NARS2: variants seen among roughly 807,000 people sequenced by gnomAD.
The protein encoded by NARS2 is asparaginyl-tRNA synthetase 2, mitochondrial.
NARS2 carries 60 observed loss-of-function variants against 62.9 expected under a neutral mutation model. The ratio of observed to expected loss-of-function variants is 0.95; its 90% confidence interval spans 0.77 to 1.18. The LOEUF is 1.18. Among genes scored for constraint, NARS2 ranks in the 50% most tolerant of loss-of-function variants. The probability of loss-of-function intolerance (pLI) is 0.00; values close to 1 mark genes in which losing one functional copy is unlikely to be tolerated. For synonymous variants in NARS2, 196 were observed against 200.0 expected (o/e 0.98, Z 0.17); for missense variants, 619 against 576.4 (o/e 1.07, Z -0.76).
At chr11:78,523,139 C>A (rs1861187301) in intron 6 of NARS2, among the ~76,000 whole-genome samples, 1 of 152,078 alleles carries the variant, frequency 6.6e-6, no homozygotes, top group South Asian at 2.1e-4. Flanking sequence ...AGACATTTCT[C>A]CAAATAAAAT....
chr11:78,496,572 T>G (rs1321343330), intron 6 of NARS2, among the ~76,000 whole-genome samples: 1 of 152,122 alleles, frequency 6.6e-6, no homozygotes, highest in Non-Finnish European at 1.5e-5. Flanking sequence ...ACAATGATGC[T>G]CAAAACAACA....
chr11:78,491,678 G>T (rs183316159), intron 7 of NARS2, among the ~76,000 whole-genome samples: 82 of 152,258 alleles, frequency 5.4e-4, no homozygotes, highest in African/African-American at 1.9e-3. Flanking sequence ...TTTGTAAATG[G>T]ATCACAGTTC....
intron 5 of NARS2, among the ~76,000 whole-genome samples, chr11:78,553,263 T>C (rs1180499824): frequency 1.3e-5 from 2 of 152,098 alleles, no homozygotes; most frequent in East Asian, 1.9e-4. Context: ...TTCTAACAAG[T>C]GTCTGTTCAT....
chr11:78,528,923 A>G lies in NARS2; in HGVS notation c.608T>C (p.Leu203Pro), dbSNP rs781116865. The G allele has an allele frequency of 6.2e-7, 1 of 1,611,252 alleles. No homozygotes were observed. The highest frequency in any genetic ancestry group is 8.5e-7 in the Non-Finnish European group (1 of 1,178,270). ...GAAGAAATTCTCCTCAGGTACCTTAAGTTTGCCTGAAGGCTGCAAATCAAA... is the reference window on the plus strand; with the variant it reads ...GAAGAAATTCTCCTCAGGTACCTTAGGTTTGCCTGAAGGCTGCAAATCAAA... Reference protein sequence around the residue: ...ELFQLEPSGKLKVPEENFFNV... With the variant: ...ELFQLEPSGKPKVPEENFFNV... Residue 203 changes from leucine (L) to proline (P), a missense_variant, in exon 6 of 14, where the codon CTT becomes CCT. Coordinates refer to ENST00000281038, the MANE Select transcript of NARS2 (RefSeq NM_024678.6).
At chr11:78,537,780 A>C (rs939725790) in intron 5 of NARS2, among the ~76,000 whole-genome samples, 1 of 152,264 alleles carries the variant, frequency 6.6e-6, no homozygotes, top group African/African-American at 2.4e-5. Context: ...CCTTGGCAAC[A>C]GAGCAAGATC....
chr11:78,553,763 C>G (rs1360225301), intron 5 of NARS2, among the ~76,000 whole-genome samples: 1 of 152,198 alleles, frequency 6.6e-6, no homozygotes, highest in Non-Finnish European at 1.5e-5. Flanking sequence ...TTAATTAGAT[C>G]CAATTTGTCA....
At chr11:78,449,139 T>TG (rs1370723909) in intron 11 of NARS2, among the ~76,000 whole-genome samples, 1 of 146,410 alleles carries the variant, frequency 6.8e-6, no homozygotes, top group African/African-American at 2.6e-5. Context: ...AAATGTTTTT[T>TG]TTTTTTTTTT....
intron 11 of NARS2, among the ~76,000 whole-genome samples, chr11:78,457,784 G>A (rs1858220509): frequency 6.8e-6 from 1 of 145,992 alleles, no homozygotes; most frequent in South Asian, 2.2e-4. Context: ...GGAATCTTAT[G>A]TTATTATGTA....
chr11:78,528,304 T>G (rs1479861209), intron 6 of NARS2, among the ~76,000 whole-genome samples: 1 of 152,166 alleles, frequency 6.6e-6, no homozygotes, highest in Non-Finnish European at 1.5e-5. Context: ...AAGGTCTTCT[T>G]TCTCAATCCC....
chr11:78,442,512 G>C (rs1591119860), intron 12 of NARS2, among the ~76,000 whole-genome samples: 2 of 152,216 alleles, frequency 1.3e-5, no homozygotes, highest in South Asian at 4.1e-4. Flanking sequence ...GGAAAAGAAG[G>C]CCTCACAAAT....
intron 7 of NARS2, among the ~76,000 whole-genome samples, chr11:78,489,208 G>C (rs962601408): frequency 1.3e-5 from 2 of 152,060 alleles, no homozygotes; most frequent in Non-Finnish European, 2.9e-5. Context: ...GGAACTAGTA[G>C]CTAGAATATA....
At chr11:78,508,612 A>G (rs1860595992) in intron 6 of NARS2, among the ~76,000 whole-genome samples, 1 of 151,940 alleles carries the variant, frequency 6.6e-6, no homozygotes, top group East Asian at 1.9e-4. Context: ...AAAAACAAAA[A>G]AAAAACCATT....
At chr11:78,563,848 AAAAATATAT>A (rs1856642132) in intron 4 of NARS2, among the ~76,000 whole-genome samples, 1 of 57,734 alleles carries the variant, frequency 1.7e-5, no homozygotes, top group Non-Finnish European at 3.5e-5. Flanking sequence ...AAAAAAAAAA[AAAAATATAT>A]ATATATATAT....
chr11:78,522,607 GA>G (rs1275500922), intron 6 of NARS2, among the ~76,000 whole-genome samples: 3 of 149,932 alleles, frequency 2.0e-5, no homozygotes, highest in Admixed American at 6.7e-5. Context: ...AGGTGTTTAG[GA>G]AAAAAAAAGA....
chr11:78,551,891 A>C (rs1856133862), intron 5 of NARS2, among the ~76,000 whole-genome samples: 1 of 151,992 alleles, frequency 6.6e-6, no homozygotes, highest in Non-Finnish European at 1.5e-5. Context: ...CCCACCAAAA[A>C]CAACCCTGCT....
intron 6 of NARS2, among the ~76,000 whole-genome samples, chr11:78,501,697 T>C (rs12794810): frequency 0.71 from 107,803 of 152,078 alleles, 39,476 homozygotes; most frequent in Non-Finnish European, 0.82. Flanking sequence ...AAATAAAAAA[T>C]AACAATGTTG....
chr11:78,547,523 T>C lies in NARS2; in HGVS notation c.594+12016A>G, dbSNP rs76155370. 5.3e-4 allele frequency among the ~76,000 whole-genome samples: 80 copies of C among 152,300 alleles called. No homozygotes were observed. The East Asian group carries it at 0.014, about 26-fold the overall frequency. The stretch of plus-strand genomic sequence containing the variant: ...ATGAGGCAGAAGCAGTAAGAGGTAC[T>C]GATACGTGAACAAAATGAACAAAGC... On this transcript the variant is annotated intron_variant, in intron 5 of 13. Coordinates refer to ENST00000281038, the MANE Select transcript of NARS2 (RefSeq NM_024678.6).
rs1376443299 is a variant in NARS2, at chr11:78,436,679, G to A, written c.1425C>T (p.Cys475=). Residue 475 remains cysteine (C), a synonymous_variant, in exon 14 of 14, where the codon TGC becomes TGT. Coordinates refer to ENST00000281038, the MANE Select transcript of NARS2 (RefSeq NM_024678.6). The part of the protein sequence containing the change: ...VIPFPRFPHS[C]LL The stretch of plus-strand genomic sequence containing the variant: ...TTAACCAATCTTCCAGCTATAAAAG[G>A]CATGAATGAGGAAACCTTGGGAAAG... 6.2e-7 allele frequency: 1 copy of A among 1,614,066 alleles called. No individual in the cohort carries two copies. Among genetic ancestry groups the A allele is most frequent in the South Asian group, 1.1e-5 (1 of 91,076 alleles).
intron 3 of NARS2, among the ~76,000 whole-genome samples, chr11:78,567,895 A>G (rs982262734): frequency 2.0e-5 from 3 of 152,198 alleles, no homozygotes; most frequent in African/African-American, 4.8e-5. Context: ...ATCAGCTCAT[A>G]ATGTTAAGCA....
Sources: allele counts gnomAD v4.1 joint callset (sites outside exome capture counted in the v4.1 genomes callset), GRCh38; gene constraint gnomAD v4.1.1; transcripts MANE v1.5; gene names NCBI Gene and HGNC (gene_info 2026-07-23, HGNC 2026-07-21).